Variants in ATXN1L observed in about 807,000 individuals in gnomAD.
The protein encoded by ATXN1L is ataxin 1 like, also known as ataxin-1-like.
In ATXN1L, 8 loss-of-function variants were observed where a neutral mutation model predicts 43.4. The observed-to-expected ratio is 0.18, with a 90% confidence interval of 0.11 to 0.33. The LOEUF (loss-of-function observed/expected upper bound fraction) is 0.33. ATXN1L is among the 10% of genes least tolerant of loss of function. The pLI is 1.00. For synonymous variants in ATXN1L, 379 were observed against 360.6 expected, an observed-to-expected ratio of 1.05 and a Z score of -0.58; for missense variants, 856 against 885.4, an observed-to-expected ratio of 0.97 and a Z score of 0.42.
At position 71,850,314 on chromosome 16, in the gene ATXN1L, C is replaced by T. The variant is rs1211809259; in HGVS notation, c.574C>T (p.Pro192Ser). ...AGGAGCCACTCCTCCCCCACAGGCT[C>T]CCTCCCCGGCCCACTCATTTAACAA... Reference protein sequence around the residue: ...AEGATPPPQAPSPAHSFNKAP... With the variant: ...AEGATPPPQASSPAHSFNKAP... Residue 192 changes from proline to serine, a missense_variant, in exon 3 of 3, where the codon CCC (proline) becomes TCC (serine). By Grantham distance (74) the Pro-to-Ser change is moderately conservative. Coordinates refer to ENST00000427980, the MANE Select transcript of ATXN1L (RefSeq NM_001137675.4). 1 of 1,551,704 alleles carries T rather than the reference C, an allele frequency of 6.4e-7. No individual in the cohort carries two copies. The highest frequency in any genetic ancestry group is 8.7e-7 in the Non-Finnish European group (1 of 1,146,988).
At position 71,855,082 on chromosome 16, in the gene ATXN1L, GTCC is replaced by G. The variant is rs905272145; in HGVS notation, c.*3275_*3277del. 2 of 167,482 alleles carry G rather than the reference GTCC, an allele frequency of 1.2e-5. No individual in the cohort carries two copies. Among genetic ancestry groups the G allele is most frequent in the Admixed American group, 6.5e-5 (1 of 15,294 alleles). 10.4% of individuals were successfully genotyped at this position (167,482 alleles called of 1,614,324 possible). ...CTGTCCGCTCACTGTCCTGCCTGCTGTCCTCTACAGCTCCCTATCCTTCCATGT... is the reference window on the plus strand; with the variant it reads ...CTGTCCGCTCACTGTCCTGCCTGCTGTCTACAGCTCCCTATCCTTCCATGT... On this transcript the variant is annotated 3_prime_UTR_variant, in exon 3 of 3. Transcript: ENST00000427980.
chr16:71,854,059 C>T lies in ATXN1L; in HGVS notation c.*2249C>T. ...GCCTCATCTCTGGCTGTTTCATGAG[C>T]AACTCATTCCTAGAGTTCATTGTTT... is the stretch of plus-strand genomic sequence containing the variant. On this transcript the variant is annotated 3_prime_UTR_variant, in exon 3 of 3. Coordinates refer to ENST00000427980, the MANE Select transcript of ATXN1L (RefSeq NM_001137675.4). 6.0e-6 allele frequency: 1 copy of T among 167,092 alleles called. No individual in the cohort carries two copies. Among genetic ancestry groups the T allele is most frequent in the South Asian group, 2.1e-4 (1 of 4,824 alleles). 10.4% of individuals were successfully genotyped at this position (167,092 alleles called of 1,614,324 possible). A position where few individuals can be genotyped will look rare whatever the true frequency, so the allele number is the denominator to read the frequency against.
In ATXN1L at chr16:71,854,288, C is replaced by G. The variant is rs532911832; in HGVS notation, c.*2478C>G. On this transcript the variant is annotated 3_prime_UTR_variant, in exon 3 of 3. Coordinates refer to ENST00000427980, the MANE Select transcript of ATXN1L (RefSeq NM_001137675.4). ...ACTTGGGCTACTTGTGACTTTCCAA[C>G]CTGGTAACTTCCACTGAATTCTGGA... 1.2e-5 allele frequency: 2 copies of G among 167,118 alleles called. No individual in the cohort carries two copies. The highest frequency in any genetic ancestry group is 2.9e-5 in the Non-Finnish European group (2 of 68,120). The allele number at this position is 167,118 out of a possible 1,614,324, so 10.4% of individuals were successfully genotyped here.
Position 71,850,552 on chromosome 16 carries a change from G to C in ATXN1L, c.812G>C (p.Gly271Ala). ...CTGGAAGCAGCTGCTGCAAATGGAG[G>C]ACAGAGACCACGAGAGCGAAATTTA... ...SALEAAAANG[G>A]QRPRERNLVR... Residue 271 changes from glycine (G) to alanine (A), a missense_variant, in exon 3 of 3, where the codon GGA becomes GCA. Transcript: ENST00000427980. The C allele has an allele frequency of 1.3e-6, 2 of 1,551,708 alleles. No individual in the cohort carries two copies. Among genetic ancestry groups the C allele is most frequent in the Non-Finnish European group, 1.7e-6 (2 of 1,147,000 alleles).
chr16:71,848,316 G>T, intron 2 of ATXN1L: 1 of 283,764 alleles, frequency 3.5e-6, no homozygotes, highest in Non-Finnish European at 7.0e-6. Flanking sequence ...ACTTTCTTAT[G>T]AATCATACAG....
Position 71,851,515 on chromosome 16 carries a change from A to G in ATXN1L, c.1775A>G (p.Gln592Arg), listed in dbSNP as rs1367564574. The G allele has an allele frequency of 1.3e-6, 2 of 1,551,540 alleles. No homozygotes were observed. The highest frequency in any genetic ancestry group is 4.9e-5 in the East Asian group (2 of 40,906). ...LQSLNSNSVS[Q>R]ASCAPPSQLG... ...AGCTTGAACAGTAACTCAGTTTCTC[A>G]GGCCAGCTGTGCTCCCCCAAGCCAG... The change falls in exon 3 of 3, where the codon CAG becomes CGG. Residue 592 changes from glutamine (Q) to arginine (R), a missense_variant. Coordinates refer to ENST00000427980, the MANE Select transcript of ATXN1L (RefSeq NM_001137675.4). The surrounding 1 kb of genome is among the most constrained non-coding windows in gnomAD (Gnocchi z 4.9).
At chr16:71,846,402 C>T (rs956185250) in intron 1 of ATXN1L, among the ~76,000 whole-genome samples, 4 of 152,208 alleles carry the variant, frequency 2.6e-5, no homozygotes, top group Non-Finnish European at 4.4e-5. Flanking sequence ...CGCCCCTGCC[C>T]CCTTGGTGAA....
rs1474427554 is a variant in ATXN1L at position 71,856,232 on chromosome 16, C to T, written c.*4422C>T. The T allele has an allele frequency of 6.0e-6, 1 of 167,100 alleles. No homozygotes were observed. Among genetic ancestry groups the T allele is most frequent in the Non-Finnish European group, 1.5e-5 (1 of 68,122 alleles). 10.4% of individuals were successfully genotyped at this position (167,100 alleles called of 1,614,324 possible). ...ACTAAAGGTTTCTTTATTAGTTCTC[C>T]AGTTAAACCTAGATCCCTCCCTGGT... is the stretch of plus-strand genomic sequence containing the variant. On this transcript the variant is annotated 3_prime_UTR_variant, in exon 3 of 3. Coordinates refer to ENST00000427980, the MANE Select transcript of ATXN1L (RefSeq NM_001137675.4).
At position 71,846,070 on chromosome 16, in the gene ATXN1L, T is replaced by C; in HGVS notation, c.-214T>C. ...GCGGTTGCGGCGGCTCCGGGACGAG[T>C]GAGTGGATCCTGGGAAGCGCTGTGA... On this transcript the variant is annotated 5_prime_UTR_variant, in exon 1 of 3. Transcript: ENST00000427980. 1 of 192,882 alleles carries C rather than the reference T, an allele frequency of 5.2e-6. No homozygotes were observed. The allele number at this position is 192,882 out of a possible 1,614,324, so 11.9% of individuals were successfully genotyped here. A position where few individuals can be genotyped will look rare whatever the true frequency, so the allele number is the denominator to read the frequency against.
Position 71,850,597 on chromosome 16 carries a change from C to A in ATXN1L, c.857C>A (p.Ala286Asp). ...ERNLVRRESE[A>D]LDSPNSKGEG... ...AATTTAGTAAGACGGGAAAGTGAAG[C>A]CCTTGACTCCCCCAACAGCAAGGGT... is the stretch of plus-strand genomic sequence containing the variant. Residue 286 changes from alanine to aspartate, a missense_variant, in exon 3 of 3, where the codon GCC becomes GAC. Coordinates refer to ENST00000427980, the MANE Select transcript of ATXN1L (RefSeq NM_001137675.4). The A allele has an allele frequency of 6.4e-7, 1 of 1,551,708 alleles. No individual in the cohort carries two copies. Among genetic ancestry groups the A allele is most frequent in the Non-Finnish European group, 8.7e-7 (1 of 1,146,988 alleles).
Position 71,850,975 on chromosome 16 carries a change from C to T in ATXN1L, c.1235C>T (p.Ala412Val). 2 of 1,551,690 alleles carry T rather than the reference C, an allele frequency of 1.3e-6. No individual in the cohort carries two copies. Among genetic ancestry groups the T allele is most frequent in the Non-Finnish European group, 1.7e-6 (2 of 1,146,992 alleles). Reference sequence around the variant, plus strand: ...GTAAAACATAGACCTTTACCCAAAGCAATGGTTGTAGCCAATGGCAACCTG... The same window carrying T: ...GTAAAACATAGACCTTTACCCAAAGTAATGGTTGTAGCCAATGGCAACCTG... ...EPVKHRPLPK[A>V]MVVANGNLVP... The change falls in exon 3 of 3, where the codon GCA becomes GTA. Residue 412 changes from alanine to valine, a missense_variant. Around this residue, in one of 7 missense-constraint regions of ATXN1L, gnomAD observed 490 missense variants for 449.4 expected, o/e 1.09. Coordinates refer to ENST00000427980, the MANE Select transcript of ATXN1L (RefSeq NM_001137675.4).
chr16:71,851,291 A>G lies in ATXN1L; in HGVS notation c.1551A>G (p.Gln517=), dbSNP rs374650795. ...CGGTCGTGGACATTCAGGAGAGCCA[A>G]TGGCCTGGATTTGTCATGCTGCATT... The part of the protein sequence containing the change: ...SSTVVDIQES[Q]WPGFVMLHFV... The change falls in exon 3 of 3, where the codon CAA becomes CAG. Residue 517 remains glutamine, a synonymous_variant. Coordinates refer to ENST00000427980, the MANE Select transcript of ATXN1L (RefSeq NM_001137675.4). This position sits in a 1 kb window ranked among gnomAD's most constrained non-coding sequence, Gnocchi z 4.9. The G allele has an allele frequency of 9.5e-5, 148 of 1,551,542 alleles. 1 individual carries two copies. Among genetic ancestry groups the G allele is most frequent in the Non-Finnish European group, 1.2e-4 (136 of 1,146,988 alleles).
intron 1 of ATXN1L, among the ~76,000 whole-genome samples, chr16:71,846,460 T>C (rs1328332798): frequency 1.3e-5 from 2 of 152,190 alleles, no homozygotes; most frequent in East Asian, 3.9e-4. Context: ...TTTCGAGCCC[T>C]ACCCTTGTTG....
In ATXN1L at chr16:71,851,601, A is replaced by G. The variant is rs1315311650; in HGVS notation, c.1861A>G (p.Ser621Gly). ...CTTGGGATCCAGAGAGCTATGTGACAGTGAGGGGAAGAGCCAGCCGGCAGG... is the reference window on the plus strand; with the variant it reads ...CTTGGGATCCAGAGAGCTATGTGACGGTGAGGGGAAGAGCCAGCCGGCAGG... ...TVLGSRELCD[S>G]EGKSQPAGEG... The change falls in exon 3 of 3, where the codon AGT becomes GGT. Residue 621 changes from serine to glycine, a missense_variant. By Grantham distance (56) the Ser-to-Gly change is moderately conservative. This residue lies in a region of ATXN1L where 185 missense variants were observed against 176.8 expected (regional missense o/e 1.05). Coordinates refer to ENST00000427980, the MANE Select transcript of ATXN1L (RefSeq NM_001137675.4). The surrounding 1 kb of genome is among the most constrained non-coding windows in gnomAD (Gnocchi z 4.9). 1 of 1,545,158 alleles carries G rather than the reference A, an allele frequency of 6.5e-7. No homozygotes were observed. Among genetic ancestry groups the G allele is most frequent in the Admixed American group, 2.0e-5 (1 of 50,602 alleles).
In ATXN1L at chr16:71,850,426, T is replaced by C. The variant is rs1339192334; in HGVS notation, c.686T>C (p.Ile229Thr). Residue 229 changes from isoleucine (I) to threonine (T), a missense_variant, in exon 3 of 3, where the codon ATT becomes ACT. By Grantham distance (89) the Ile-to-Thr change is moderately conservative. Around this residue, in one of 7 missense-constraint regions of ATXN1L, gnomAD observed 490 missense variants for 449.4 expected, o/e 1.09. Coordinates refer to ENST00000427980, the MANE Select transcript of ATXN1L (RefSeq NM_001137675.4). ...PLDLAPGRMP[I>T]YYQMSRLPAG... ...GACCTTGCTCCAGGTCGGATGCCCATTTATTATCAGATGTCCAGGCTACCT... is the reference window on the plus strand; with the variant it reads ...GACCTTGCTCCAGGTCGGATGCCCACTTATTATCAGATGTCCAGGCTACCT... 11 of 1,551,638 alleles carry C rather than the reference T, an allele frequency of 7.1e-6. No individual in the cohort carries two copies. The highest frequency in any genetic ancestry group is 9.6e-6 in the Non-Finnish European group (11 of 1,146,984).
rs570235676 is a variant in ATXN1L at position 71,851,756 on chromosome 16, C to T, written c.2016C>T (p.Phe672=). The change falls in exon 3 of 3, where the codon TTC becomes TTT. Residue 672 remains phenylalanine (F), a synonymous_variant. Coordinates refer to ENST00000427980, the MANE Select transcript of ATXN1L (RefSeq NM_001137675.4). This position sits in a 1 kb window ranked among gnomAD's most constrained non-coding sequence, Gnocchi z 4.9. The part of the protein sequence containing the change: ...EARAALLRPS[F]IPQEVKLSIE... ...GGGCTGCGCTGCTCCGTCCCTCTTT[C>T]ATTCCACAGGAGGTAAAGCTGTCCA... The T allele has an allele frequency of 1.4e-6, 2 of 1,449,602 alleles. No homozygotes were observed. Among genetic ancestry groups the T allele is most frequent in the Non-Finnish European group, 1.8e-6 (2 of 1,096,978 alleles). The allele number at this position is 1,449,602 out of a possible 1,614,324, so 89.8% of individuals were successfully genotyped here.
rs2033485981 is a variant in ATXN1L, at chr16:71,850,360, C to T, written c.620C>T (p.Pro207Leu). 4 of 1,551,736 alleles carry T rather than the reference C, an allele frequency of 2.6e-6. No homozygotes were observed. Among genetic ancestry groups the T allele is most frequent in the Non-Finnish European group, 3.5e-6 (4 of 1,147,008 alleles). ...SFNKAPSATS[P>L]SGQLPHHSST... is the part of the protein sequence containing the mutation. ...AACAAAGCTCCCTCTGCCACCTCCC[C>T]ATCTGGGCAATTGCCACATCATTCA... is the stretch of plus-strand genomic sequence containing the variant. The change falls in exon 3 of 3, where the codon CCA (proline) becomes CTA (leucine). Residue 207 changes from proline (P) to leucine (L), a missense_variant. Pro to Leu is a moderately conservative substitution (Grantham distance 98, BLOSUM62 -3). This residue lies in a region of ATXN1L where 490 missense variants were observed against 449.4 expected (regional missense o/e 1.09). Coordinates refer to ENST00000427980, the MANE Select transcript of ATXN1L (RefSeq NM_001137675.4).
rs1227129565 is a variant in ATXN1L at position 71,849,690 on chromosome 16, C to A, written c.-51C>A. On this transcript the variant is annotated 5_prime_UTR_variant, in exon 3 of 3. Coordinates refer to ENST00000427980, the MANE Select transcript of ATXN1L (RefSeq NM_001137675.4). ...GCTACAGAGAAGCCCCTTCTGATGC[C>A]CCAGGGAGCAAGTCGACTCCTTCCA... 4.8e-6 allele frequency: 7 copies of A among 1,455,490 alleles called. No individual in the cohort carries two copies. The highest frequency in any genetic ancestry group is 1.5e-5 in the South Asian group (1 of 66,612). The allele number at this position is 1,455,490 out of a possible 1,614,324, so 90.2% of individuals were successfully genotyped here.
intron 1 of ATXN1L, 54 bp from the exon 2 acceptor site, chr16:71,847,956 G>C (rs1196583295): frequency 2.2e-6 from 1 of 451,146 alleles, no homozygotes; most frequent in East Asian, 7.0e-5. Context: ...GGTGACCCTG[G>C]GGAGAATTAG....
Sources: gnomAD v4.1 joint callset for allele counts (sites outside exome capture counted in the v4.1 genomes callset) on GRCh38, gnomAD v4.1.1 for gene constraint, gnomAD v4.1.1 regional missense constraint, Gnocchi (gnomAD v3.1) non-coding constraint, MANE v1.5 for transcripts, NCBI Gene and HGNC (gene_info 2026-07-23, HGNC 2026-07-21) for gene names.